SAMD4B: variants seen among roughly 807,000 people sequenced by gnomAD.
SAMD4B encodes protein Smaug homolog 2.
In SAMD4B, 5 loss-of-function variants were observed where a neutral mutation model predicts 74.5. The ratio of observed to expected loss-of-function variants is 0.07; its 90% confidence interval spans 0.04 to 0.14. The LOEUF (loss-of-function observed/expected upper bound fraction) is 0.14. Among genes scored for constraint, SAMD4B ranks in the 10% least tolerant of loss-of-function variants. The pLI is 1.00. For synonymous variants in SAMD4B, 373 were observed against 374.9 expected (o/e 1.00, Z 0.06); for missense variants, 608 against 921.8 (o/e 0.66, Z 4.41).
In SAMD4B at chr19:39,375,905, C is replaced by A. The variant is rs1207403625; in HGVS notation, c.907+16C>A. On this transcript the variant is annotated intron_variant, in intron 5 of 13. Coordinates refer to ENST00000610417, the MANE Select transcript of SAMD4B (RefSeq NM_001384574.2). The surrounding 1 kb of genome is among the most constrained non-coding windows in gnomAD (Gnocchi z 4.1). ...GGCATGAAAGGTACATTGGGGACAGCAGCACCAGGACCCTTTTCCAGGGGC... is the reference window on the plus strand; with the variant it reads ...GGCATGAAAGGTACATTGGGGACAGAAGCACCAGGACCCTTTTCCAGGGGC... 6.3e-7 allele frequency: 1 copy of A among 1,597,850 alleles called. No individual in the cohort carries two copies. Among genetic ancestry groups the A allele is most frequent in the South Asian group, 1.1e-5 (1 of 90,904 alleles).
intron 4 of SAMD4B, among the ~76,000 whole-genome samples, chr19:39,374,655 T>C (rs1366482658): frequency 6.6e-6 from 1 of 151,826 alleles, no homozygotes; most frequent in Non-Finnish European, 1.5e-5. Context: ...TCCTGGCCAA[T>C]GTGGTGAAAC....
chr19:39,343,362 G>A (rs1387240983), intron 1 of SAMD4B, among the ~76,000 whole-genome samples: 2 of 144,394 alleles, frequency 1.4e-5, no homozygotes, highest in Non-Finnish European at 3.0e-5. Flanking sequence ...GACGGACCGT[G>A]ATCATCTTCC....
chr19:39,385,851 G>GT (rs2078234244), downstream of SAMD4B: 2 of 1,276,514 alleles, frequency 1.6e-6, no homozygotes, highest in Non-Finnish European at 2.1e-6. Flanking sequence ...GGGAGGGGAA[G>GT]TAAAGAGAAG....
chr19:39,390,091 T>C, downstream of SAMD4B: 1 of 1,613,632 alleles, frequency 6.2e-7, no homozygotes, highest in Non-Finnish European at 8.5e-7. Context: ...AAGGGGTAGG[T>C]GATGAACTTG....
chr19:39,374,760 G>GAC lies in SAMD4B; in HGVS notation c.668-889_668-888insCA, dbSNP rs543529380. 1.9e-4 allele frequency among the ~76,000 whole-genome samples: 29 copies of GAC among 152,302 alleles called. No individual in the cohort carries two copies. In the East Asian group the frequency reaches 5.6e-3, roughly 29 times the overall value. Reference sequence around the variant, plus strand: ...GGAGGCTGAGGCAGGGGAATTGCTTGAACCCAGGAGGCAGAGGTTGCAGTG... The same window carrying GAC: ...GGAGGCTGAGGCAGGGGAATTGCTTGACAACCCAGGAGGCAGAGGTTGCAGTG... On this transcript the variant is annotated intron_variant, in intron 4 of 13. Coordinates refer to ENST00000610417, the MANE Select transcript of SAMD4B (RefSeq NM_001384574.2).
rs1187254864 is a variant in SAMD4B at position 39,385,364 on chromosome 19, G to A, written c.*1837G>A. 9.9e-6 allele frequency: 4 copies of A among 403,046 alleles called. No homozygotes were observed. The highest frequency in any genetic ancestry group is 4.0e-5 in the Admixed American group (1 of 24,764). 25.0% of individuals were successfully genotyped at this position (403,046 alleles called of 1,614,324 possible). A position where few individuals can be genotyped will look rare whatever the true frequency, so the allele number is the denominator to read the frequency against. ...CACTCTCCATCAGGGTGAGCTGACT[G>A]TGCCTGGCACTGGGAGGTGGTGAGG... On this transcript the variant is annotated 3_prime_UTR_variant, in exon 14 of 14. Transcript: ENST00000610417.
chr19:39,346,439 C>A (rs1346534154), intron 1 of SAMD4B, among the ~76,000 whole-genome samples: 3 of 152,142 alleles, frequency 2.0e-5, no homozygotes, highest in African/African-American at 7.2e-5. Flanking sequence ...AGATTTCCTC[C>A]ATTTGCATTG....
At position 39,378,562 on chromosome 19, in the gene SAMD4B, G is replaced by A; in HGVS notation, c.1503G>A (p.Gln501=). 1 of 1,613,986 alleles carries A rather than the reference G, an allele frequency of 6.2e-7. No individual in the cohort carries two copies. The highest frequency in any genetic ancestry group is 8.5e-7 in the Non-Finnish European group (1 of 1,179,946). ...AGGAGAACATCACCAGTTACCTCCA[G>A]CTCATCGAAAAGTGCCTGACTCATG... ...PDEENITSYL[Q]LIEKCLTHEA... Residue 501 remains glutamine (Q), a synonymous_variant, in exon 9 of 14, where the codon CAG becomes CAA. Coordinates refer to ENST00000610417, the MANE Select transcript of SAMD4B (RefSeq NM_001384574.2). This position sits in a 1 kb window ranked among gnomAD's most constrained non-coding sequence, Gnocchi z 4.4.
Position 39,385,461 on chromosome 19 carries a change from C to T in SAMD4B, c.*1934C>T. 1 of 435,070 alleles carries T rather than the reference C, an allele frequency of 2.3e-6. No individual in the cohort carries two copies. The highest frequency in any genetic ancestry group is 4.0e-6 in the Non-Finnish European group (1 of 247,006). The allele number at this position is 435,070 out of a possible 1,614,324, so 27.0% of individuals were successfully genotyped here. A position where few individuals can be genotyped will look rare whatever the true frequency, so the allele number is the denominator to read the frequency against. ...ACCTGACAGCAGAGTGTGCAGGACG[C>T]AGGCGGCCCCACTCTGATGGGCAGG... On this transcript the variant is annotated 3_prime_UTR_variant, in exon 14 of 14. Transcript: ENST00000610417.
chr19:39,367,446 T>G (rs1294696272), intron 3 of SAMD4B, among the ~76,000 whole-genome samples: 1 of 151,824 alleles, frequency 6.6e-6, no homozygotes, highest in Non-Finnish European at 1.5e-5. Context: ...CAGCATTATC[T>G]CCATCTTCCA....
intron 10 of SAMD4B, 140 bp from the exon 11 acceptor site, chr19:39,380,447 T>C: frequency 1.1e-6 from 1 of 881,118 alleles, no homozygotes; most frequent in African/African-American, 1.6e-5. Context: ...GGGGGTACCC[T>C]TGGGGCAGAT....
intron 4 of SAMD4B, among the ~76,000 whole-genome samples, chr19:39,371,854 T>G (rs1196741797): frequency 1.3e-5 from 2 of 151,420 alleles, no homozygotes; most frequent in African/African-American, 4.9e-5. Flanking sequence ...GAGTGCTTAG[T>G]CTTTACTAGG....
rs920214608 is a variant in SAMD4B, at chr19:39,342,442, A to ACGGCGGCGG, written c.-385_-377dup. 4.3e-4 allele frequency: 77 copies of ACGGCGGCGG among 177,582 alleles called. 1 individual carries two copies. The highest frequency in any genetic ancestry group is 4.8e-4 in the East Asian group (3 of 6,186). The allele number at this position is 177,582 out of a possible 1,614,324, so 11.0% of individuals were successfully genotyped here. A position where few individuals can be genotyped will look rare whatever the true frequency, so the allele number is the denominator to read the frequency against. On this transcript the variant is annotated 5_prime_UTR_variant, in exon 1 of 14. Coordinates refer to ENST00000610417, the MANE Select transcript of SAMD4B (RefSeq NM_001384574.2). ...ACGCACGGCGCGGTGACGCAGCGCG[A>ACGGCGGCGG]CGGCGGCGGCGGCGGCGGCGGCGGT...
intron 3 of SAMD4B, 148 bp downstream of exon 3, chr19:39,357,237 C>T: frequency 1.6e-6 from 1 of 619,340 alleles, no homozygotes; most frequent in Non-Finnish European, 2.7e-6. Context: ...TCTAAGTTGT[C>T]ATCATGGGTC....
At chr19:39,388,806 C>T (rs755190022), downstream of SAMD4B, 28 of 1,614,192 alleles carry the variant, frequency 1.7e-5, no homozygotes, top group South Asian at 3.3e-5. Context: ...CTGCACCACT[C>T]GTGTCCTTGG....
intron 3 of SAMD4B, among the ~76,000 whole-genome samples, chr19:39,367,623 C>G (rs1568356275): frequency 6.6e-6 from 1 of 150,958 alleles, no homozygotes; most frequent in East Asian, 2.0e-4. Context: ...ATTCTCCTGC[C>G]TCAGCCTCCC....
At chr19:39,379,905 G>A (rs1161392682) in intron 9 of SAMD4B, 61 bp from the exon 10 acceptor site, 5 of 1,356,260 alleles carry the variant, frequency 3.7e-6, no homozygotes, top group Non-Finnish European at 4.2e-6. Flanking sequence ...ATGGAAGACT[G>A]GAAGGGAGGT....
intron 3 of SAMD4B, among the ~76,000 whole-genome samples, chr19:39,357,334 AG>A (rs1300903313): frequency 6.6e-6 from 1 of 152,192 alleles, no homozygotes; most frequent in East Asian, 1.9e-4. Context: ...TCCCCATAAC[AG>A]GAAGATCATG....
rs2077915961 is a variant in SAMD4B at position 39,380,686 on chromosome 19, C to T, written c.1749C>T (p.Leu583=). 2 of 1,613,164 alleles carry T rather than the reference C, an allele frequency of 1.2e-6. No individual in the cohort carries two copies. Among genetic ancestry groups the T allele is most frequent in the Non-Finnish European group, 1.7e-6 (2 of 1,179,750 alleles). ...AGTTCCCAATGCCTCCCCGGGCCCT[C>T]CCACCCGGCCGGATGGGCCTCCTGA... ...QRQFPMPPRA[L]PPGRMGLLSP... The change falls in exon 11 of 14, where the codon CTC becomes CTT. Residue 583 remains leucine (L), a synonymous_variant. Coordinates refer to ENST00000610417, the MANE Select transcript of SAMD4B (RefSeq NM_001384574.2).
Sources: allele counts gnomAD v4.1 joint callset (sites outside exome capture counted in the v4.1 genomes callset), GRCh38; gene constraint gnomAD v4.1.1; non-coding constraint Gnocchi (gnomAD v3.1); transcripts MANE v1.5; gene names NCBI Gene and HGNC (gene_info 2026-07-23, HGNC 2026-07-21).